Variants in GLRA1 observed in about 807,000 individuals in gnomAD.
GLRA1 encodes glycine receptor alpha 1, also known as glycine receptor subunit alpha-1.
GLRA1 carries 37 observed loss-of-function variants against 48.3 expected under a neutral mutation model. The ratio of observed to expected loss-of-function variants is 0.77; its 90% CI spans 0.59 to 1.01. The LOEUF is 1.01. Among genes scored for constraint, GLRA1 ranks in the 50% least tolerant of loss-of-function variants. The pLI is 0.00. For synonymous variants in GLRA1, 196 were observed against 210.7 expected (o/e 0.93, Z 0.60); for missense variants, 427 against 571.0 (o/e 0.75, Z 2.57).
chr5:151,838,869 A>G (rs1763640308), intron 7 of GLRA1, among the ~76,000 whole-genome samples: 1 of 152,224 alleles, frequency 6.6e-6, no homozygotes, highest in Non-Finnish European at 1.5e-5. Flanking sequence ...ATGTCAGAAG[A>G]CAAAGTCAGA....
At chr5:151,831,739 C>T (rs991423243) in intron 7 of GLRA1, among the ~76,000 whole-genome samples, 1 of 152,224 alleles carries the variant, frequency 6.6e-6, no homozygotes, top group Admixed American at 6.5e-5. Context: ...CAGACTTAAA[C>T]GTTCCTGCCT....
rs919262 is a variant in GLRA1, at chr5:151,886,523, T to C, written c.252+198A>G. ...GTGCTTGCCCTGCTAGGTCTTTGGC[T>C]ATTTTCAGATATTATGTATTCACTC... On this transcript the variant is annotated intron_variant, in intron 3 of 8. Transcript: ENST00000274576. Among the ~76,000 whole-genome samples the C allele has an allele frequency of 0.24, 37,053 of 152,170 alleles. 4,824 individuals carry two copies. Among genetic ancestry groups the C allele is most frequent in the South Asian group, 0.39 (1,881 of 4,818 alleles).
rs188236976 is a variant in GLRA1, at chr5:151,834,787, G to A, written c.913-5720C>T. ...TCATGCCTGTAATCCCAGCACTTTG[G>A]GAGGCCAAGGTGGGTGGATCATGAG... On this transcript the variant is annotated intron_variant, in intron 7 of 8. Coordinates refer to ENST00000274576, the MANE Select transcript of GLRA1 (RefSeq NM_000171.4). Among the ~76,000 whole-genome samples, 210 of 152,180 alleles carry A rather than the reference G, an allele frequency of 1.4e-3. 2 individuals are homozygous for A. The East Asian group carries it at 0.015, about 11-fold the overall frequency.
intron 7 of GLRA1, among the ~76,000 whole-genome samples, chr5:151,840,668 G>A (rs1470182876): frequency 2.0e-5 from 3 of 150,636 alleles, no homozygotes; most frequent in African/African-American, 7.3e-5. Context: ...GTAGAAGAAT[G>A]GAAAAAACAT....
intron 3 of GLRA1, among the ~76,000 whole-genome samples, chr5:151,879,445 C>T (rs1482426067): frequency 6.6e-6 from 1 of 152,132 alleles, no homozygotes; most frequent in East Asian, 1.9e-4. Flanking sequence ...ACTTCCGCCT[C>T]CTGGGTTCAA....
rs1312563438 is a variant in GLRA1, at chr5:151,849,458, T to TTCCTTTC, written c.912+1931_912+1932insGAAAGGA. ...TTCCTTTCCTTTCCTTTCCTTTCCT[T>TTCCTTTC]CCTTCCTTCCTTCCTTCCTTCCTTC... On this transcript the variant is annotated intron_variant, in intron 7 of 8. Coordinates refer to ENST00000274576, the MANE Select transcript of GLRA1 (RefSeq NM_000171.4). Among the ~76,000 whole-genome samples the TTCCTTTC allele has an allele frequency of 6.9e-4, 29 of 42,118 alleles. 1 individual carries two copies. Among genetic ancestry groups the TTCCTTTC allele is most frequent in the African/African-American group, 4.0e-3 (28 of 6,982 alleles). 27.6% of individuals were successfully genotyped at this position (42,118 alleles called of 152,430 possible).
intron 7 of GLRA1, among the ~76,000 whole-genome samples, chr5:151,836,346 A>G (rs772887265): frequency 3.3e-5 from 5 of 152,254 alleles, no homozygotes; most frequent in Non-Finnish European, 7.3e-5. Flanking sequence ...GCTCATGGAT[A>G]GGAAGAATTA....
chr5:151,847,814 C>A (rs774500698), intron 7 of GLRA1, among the ~76,000 whole-genome samples: 3 of 151,598 alleles, frequency 2.0e-5, no homozygotes, highest in African/African-American at 4.9e-5. Flanking sequence ...GTAAGGGTGA[C>A]TGAAAGAAAA....
intron 3 of GLRA1, among the ~76,000 whole-genome samples, chr5:151,883,279 C>T (rs1402799402): frequency 6.6e-6 from 1 of 152,112 alleles, no homozygotes; most frequent in Non-Finnish European, 1.5e-5. Context: ...ACTATTTTCT[C>T]TTGAGGGGAG....
intron 1 of GLRA1, among the ~76,000 whole-genome samples, chr5:151,895,060 T>A (rs1754196510): frequency 6.6e-6 from 1 of 152,056 alleles, no homozygotes; most frequent in Admixed American, 6.5e-5. Flanking sequence ...GGTATGATTG[T>A]ATAGATGTGT....
intron 7 of GLRA1, chr5:151,849,153 T>TTTCTTTTC (rs375546011): frequency 1.3e-5 from 1 of 76,058 alleles, no homozygotes; most frequent in African/African-American, 7.6e-5. Context: ...TCTTTCTTTC[T>TTTCTTTTC]TTTCTTTTCT....
intron 6 of GLRA1, among the ~76,000 whole-genome samples, chr5:151,854,090 A>C (rs1266805747): frequency 1.3e-5 from 2 of 152,256 alleles, no homozygotes; most frequent in Non-Finnish European, 2.9e-5. Context: ...AAAGAGTAAA[A>C]GACTTGGTAT....
intron 1 of GLRA1, among the ~76,000 whole-genome samples, chr5:151,914,806 G>A (rs984506480): frequency 6.6e-6 from 1 of 152,202 alleles, no homozygotes; most frequent in Non-Finnish European, 1.5e-5. Context: ...GAGATTGAGA[G>A]CTCGTATCTA....
At chr5:151,877,834 A>G (rs1391480218) in intron 3 of GLRA1, among the ~76,000 whole-genome samples, 1 of 152,226 alleles carries the variant, frequency 6.6e-6, no homozygotes, top group African/African-American at 2.4e-5. Context: ...TAAGTCCAAT[A>G]AAGGTCTTTC....
At chr5:151,831,535 A>G (rs916367355) in intron 7 of GLRA1, among the ~76,000 whole-genome samples, 5 of 152,158 alleles carry the variant, frequency 3.3e-5, no homozygotes, top group African/African-American at 1.2e-4. Flanking sequence ...AGCTGCCAGG[A>G]AGTTCGAACT....
intron 7 of GLRA1, among the ~76,000 whole-genome samples, chr5:151,837,506 T>C (rs916508858): frequency 2.0e-5 from 3 of 152,172 alleles, no homozygotes; most frequent in African/African-American, 7.2e-5. Flanking sequence ...TAAAGACACA[T>C]GCACACGTAT....
chr5:151,916,923 G>T (rs1056412735), intron 1 of GLRA1, among the ~76,000 whole-genome samples: 11 of 152,176 alleles, frequency 7.2e-5, no homozygotes, highest in Admixed American at 5.9e-4. Flanking sequence ...CTCTGGAAGG[G>T]TGAGTGTGTT....
chr5:151,849,743 G>C (rs1177964065), intron 7 of GLRA1: 1 of 358,072 alleles, frequency 2.8e-6, no homozygotes, highest in African/African-American at 2.1e-5. Flanking sequence ...TAGTAGAGAC[G>C]TGGTTTCACT....
chr5:151,882,280 A>G (rs1753781092), intron 3 of GLRA1, among the ~76,000 whole-genome samples: 1 of 152,200 alleles, frequency 6.6e-6, no homozygotes. Flanking sequence ...CCTTAGGAAA[A>G]TAACCTAATT....
Sources: gnomAD v4.1 joint callset for allele counts (sites outside exome capture counted in the v4.1 genomes callset) on GRCh38, gnomAD v4.1.1 for gene constraint, MANE v1.5 for transcripts, NCBI Gene and HGNC (gene_info 2026-07-23, HGNC 2026-07-21) for gene names.